Variants in OR51B5 observed in about 807,000 individuals in gnomAD.
OR51B5 encodes the protein olfactory receptor 51B5.
For synonymous variants in OR51B5, 186 were observed against 144.8 expected (o/e 1.28, Z -2.04); for missense variants, 456 against 374.6 (o/e 1.22, Z -1.79).
chr11:5,355,280 T>A (rs74491145), intron 1 of OR51B5: 4,878 of 166,498 alleles, frequency 0.029, 258 homozygotes, highest in African/African-American at 0.11. Context: ...TCAAGACGAA[T>A]TGGATTTTAT....
chr11:5,422,206 C>T (rs1850350363), intron 1 of OR51B5: 1 of 1,606,342 alleles, frequency 6.2e-7, no homozygotes, highest in African/African-American at 1.3e-5. Context: ...CAGTCATGTC[C>T]CAGGTGACTA....
chr11:5,403,517 A>C (rs1016168542), intron 1 of OR51B5: 4 of 471,634 alleles, frequency 8.5e-6, no homozygotes, highest in African/African-American at 8.0e-5. Flanking sequence ...CCATTGTCCG[A>C]ATGCTATTAG....
chr11:5,463,293 T>C (rs917161868), intron 1 of OR51B5, among the ~76,000 whole-genome samples: 10 of 152,226 alleles, frequency 6.6e-5, no homozygotes, highest in African/African-American at 2.4e-4. Context: ...GTGTAAAGTA[T>C]AATTGCCAGC....
In OR51B5 at chr11:5,429,972, A is replaced by G. The variant is rs547587889; in HGVS notation, n.84+75597T>C. Among the ~76,000 whole-genome samples the G allele has an allele frequency of 2.6e-5, 4 of 152,324 alleles. No homozygotes were observed. The South Asian group carries it at 8.3e-4, about 32-fold the overall frequency. The stretch of plus-strand genomic sequence containing the variant: ...CTGTTCATTCTCAGAGTGTCGGTAC[A>G]TAAATTCTGGGTGTGAGACCACTGG... On this transcript the variant is annotated intron_variant and non_coding_transcript_variant, in intron 1 of 4. Transcript: ENST00000415970.
chr11:5,486,307 TG>T (rs1195099552), intron 1 of OR51B5, among the ~76,000 whole-genome samples: 1 of 152,218 alleles, frequency 6.6e-6, no homozygotes, highest in African/African-American at 2.4e-5. Context: ...GCATTTTGTT[TG>T]CTATTTATCT....
At chr11:5,453,656 T>A in intron 1 of OR51B5, 3 of 1,613,442 alleles carry the variant, frequency 1.9e-6, no homozygotes, top group Non-Finnish European at 2.5e-6. Flanking sequence ...CCAGCCTCCA[T>A]GAGCCCATGT....
At chr11:5,342,984 C>T (rs776418692) in exon 1 of OR51B5, 2 of 1,613,164 alleles carry the variant, frequency 1.2e-6, no homozygotes, top group South Asian at 1.1e-5. Context: ...TTAATGACAT[C>T]CTGGTGAAGG....
intron 1 of OR51B5, among the ~76,000 whole-genome samples, chr11:5,419,810 T>C (rs1487262761): frequency 6.6e-6 from 1 of 151,994 alleles, no homozygotes; most frequent in Non-Finnish European, 1.5e-5. Flanking sequence ...TGATAATAGC[T>C]CCTTTTTCCA....
In OR51B5 at chr11:5,352,500, A is replaced by G. The variant is rs1426739085; in HGVS notation, n.85-5590T>C. 3.6e-6 allele frequency: 4 copies of G among 1,117,962 alleles called. No homozygotes were observed. The East Asian group carries it at 9.4e-5, about 26-fold the overall frequency. The allele number at this position is 1,117,962 out of a possible 1,614,324, so 69.3% of individuals were successfully genotyped here. ...TTCAGGGGACCTGGACAGGATGACA[A>G]TGTTGCCAGCATAAGTAACTAGGGA... On this transcript the variant is annotated intron_variant and non_coding_transcript_variant, in intron 1 of 4. Coordinates refer to the OR51B5 transcript ENST00000415970.
At chr11:5,374,520 G>A (rs185243412) in intron 1 of OR51B5, among the ~76,000 whole-genome samples, 44 of 152,228 alleles carry the variant, frequency 2.9e-4, no homozygotes, top group African/African-American at 8.7e-4. Context: ...GACTTCAGAC[G>A]ATGAAACTAC....
At chr11:5,443,606 C>G (rs1480403293) in intron 1 of OR51B5, among the ~76,000 whole-genome samples, 1 of 151,870 alleles carries the variant, frequency 6.6e-6, no homozygotes, top group Non-Finnish European at 1.5e-5. Flanking sequence ...GATAGGTTTA[C>G]CCCCGTCTGT....
At chr11:5,375,272 C>G (rs1310724896) in intron 1 of OR51B5, among the ~76,000 whole-genome samples, 1 of 151,112 alleles carries the variant, frequency 6.6e-6, no homozygotes, top group Non-Finnish European at 1.5e-5. Flanking sequence ...ACTTTACAGA[C>G]AAGCAAATGC....
chr11:5,426,469 T>C (rs1414386309), intron 1 of OR51B5, among the ~76,000 whole-genome samples: 1 of 152,152 alleles, frequency 6.6e-6, no homozygotes, highest in Non-Finnish European at 1.5e-5. Context: ...ACAACCACAC[T>C]GAAATAATTC....
At chr11:5,476,850 G>GCTAA (rs1288266836) in intron 1 of OR51B5, among the ~76,000 whole-genome samples, 8 of 151,994 alleles carry the variant, frequency 5.3e-5, no homozygotes, top group Non-Finnish European at 1.2e-4. Context: ...GAGTTAGATA[G>GCTAA]CTAACTAGCT....
At chr11:5,463,256 G>C (rs1419613141) in intron 1 of OR51B5, among the ~76,000 whole-genome samples, 2 of 152,208 alleles carry the variant, frequency 1.3e-5, no homozygotes. Context: ...CAAATAAATA[G>C]TTGCACAAGC....
intron 1 of OR51B5, among the ~76,000 whole-genome samples, chr11:5,405,641 C>T (rs965476091): frequency 1.6e-4 from 25 of 152,148 alleles, no homozygotes; most frequent in African/African-American, 5.8e-4. Context: ...AATAACGACA[C>T]ACCTATAAAG....
chr11:5,342,650 A>C (rs763632098), exon 1 of OR51B5: 13 of 1,612,166 alleles, frequency 8.1e-6, no homozygotes, highest in Non-Finnish European at 1.1e-5. Context: ...CTTGGTCTTG[A>C]CACTATATGT....
intron 1 of OR51B5, chr11:5,390,359 C>G: frequency 6.2e-7 from 1 of 1,601,932 alleles, no homozygotes; most frequent in Non-Finnish European, 8.5e-7. Flanking sequence ...GTTCCTAGGT[C>G]TTAAAAAGGC....
At chr11:5,414,199 G>A (rs1165383208) in intron 1 of OR51B5, among the ~76,000 whole-genome samples, 4 of 151,546 alleles carry the variant, frequency 2.6e-5, no homozygotes, top group East Asian at 3.9e-4. Context: ...ATAAGTGAAG[G>A]AGAAATAAAA....
Sources: gnomAD v4.1 joint callset for allele counts (sites outside exome capture counted in the v4.1 genomes callset) on GRCh38, gnomAD v4.1.1 for gene constraint, MANE v1.5 for transcripts, NCBI Gene and HGNC (gene_info 2026-07-23, HGNC 2026-07-21) for gene names.